Variants in MAP4K5 observed in about 807,000 individuals in gnomAD.
The protein encoded by MAP4K5 is MAPK/ERK kinase kinase kinase 5.
In MAP4K5, 82 loss-of-function variants were observed where a neutral mutation model predicts 135.6. That is an observed-to-expected ratio of 0.60 (90% CI 0.51 to 0.73). MAP4K5 has a LOEUF of 0.73. Among genes scored for constraint, MAP4K5 ranks in the 30% least tolerant of loss-of-function variants. The pLI is 0.00. For synonymous variants in MAP4K5, 347 were observed against 335.0 expected, an observed-to-expected ratio of 1.04 and a Z score of -0.39; for missense variants, 907 against 1,010.9, an observed-to-expected ratio of 0.90 and a Z score of 1.39.
intron 3 of MAP4K5, among the ~76,000 whole-genome samples, chr14:50,500,040 A>G (rs1396224933): frequency 6.6e-6 from 1 of 152,226 alleles, no homozygotes; most frequent in African/African-American, 2.4e-5. Flanking sequence ...TGATGCAATC[A>G]TTTTATACCT....
chr14:50,527,411 C>CAA (rs368632426), intron 2 of MAP4K5, among the ~76,000 whole-genome samples: 3 of 123,606 alleles, frequency 2.4e-5, no homozygotes, highest in Non-Finnish European at 5.4e-5. Context: ...CCCTGTCATC[C>CAA]AAAAAAAAAA....
At chr14:50,549,314 C>T (rs1039945301) in intron 1 of MAP4K5, among the ~76,000 whole-genome samples, 1 of 152,122 alleles carries the variant, frequency 6.6e-6, no homozygotes, top group Non-Finnish European at 1.5e-5. Context: ...CAGGGTGGGC[C>T]ACAGCAAAGG....
At chr14:50,435,159 A>G in intron 26 of MAP4K5, 94 bp from the exon 27 acceptor site, 1 of 550,914 alleles carries the variant, frequency 1.8e-6, no homozygotes, top group Non-Finnish European at 3.1e-6. Flanking sequence ...GAGTGGGCAG[A>G]AAATAAAAAA....
intron 2 of MAP4K5, among the ~76,000 whole-genome samples, chr14:50,525,775 C>T (rs534346117): frequency 3.5e-4 from 53 of 152,192 alleles, no homozygotes; most frequent in African/African-American, 1.2e-3. Context: ...GCCTGGGAGG[C>T]GGAGGGTCTA....
At chr14:50,507,283 T>C (rs1485003425) in intron 2 of MAP4K5, among the ~76,000 whole-genome samples, 2 of 152,246 alleles carry the variant, frequency 1.3e-5, no homozygotes, top group Admixed American at 6.5e-5. Flanking sequence ...CCAATTTTGC[T>C]GATCTTTTCA....
rs948365999 is a variant in MAP4K5, at chr14:50,468,847, G to A, written c.543-65C>T. 49 of 1,452,924 alleles carry A rather than the reference G, an allele frequency of 3.4e-5. 1 individual carries two copies. In the East Asian group the frequency reaches 1.1e-3, roughly 34 times the overall value. The allele number at this position is 1,452,924 out of a possible 1,614,324, so 90.0% of individuals were successfully genotyped here. A position where few individuals can be genotyped will look rare whatever the true frequency, so the allele number is the denominator to read the frequency against. ...TATTGATCTGAATCTGTTACTTCCT[G>A]TTATAATCACCAGACTTGTTGGAGG... is the stretch of plus-strand genomic sequence containing the variant. On this transcript the variant is annotated intron_variant, in intron 9 of 32. Transcript: ENST00000682126.
chr14:50,558,009 G>A (rs1021813333), intron 1 of MAP4K5, among the ~76,000 whole-genome samples: 5 of 152,188 alleles, frequency 3.3e-5, no homozygotes, highest in African/African-American at 4.8e-5. Flanking sequence ...GCATTAAAAA[G>A]AATGGTGATG....
chr14:50,441,797 C>CACAT (rs1491145074), intron 21 of MAP4K5, among the ~76,000 whole-genome samples: 132 of 132,502 alleles, frequency 1.0e-3, no homozygotes, highest in African/African-American at 3.9e-3. Flanking sequence ...CACACACACA[C>CACAT]ATATATATAC....
chr14:50,528,723 CAG>C (rs1298623693), intron 2 of MAP4K5, among the ~76,000 whole-genome samples: 2 of 152,096 alleles, frequency 1.3e-5, no homozygotes, highest in East Asian at 1.9e-4. Flanking sequence ...CTCAAAAACA[CAG>C]GGGGATATTA....
At chr14:50,497,414 T>C (rs1391154055) in intron 3 of MAP4K5, among the ~76,000 whole-genome samples, 1 of 152,226 alleles carries the variant, frequency 6.6e-6, no homozygotes, top group Non-Finnish European at 1.5e-5. Flanking sequence ...AGGATACAAA[T>C]ATTTTACTTT....
intron 21 of MAP4K5, among the ~76,000 whole-genome samples, chr14:50,441,775 CACACACACACACACACACACACAT>C (rs1187765804): frequency 4.1e-4 from 60 of 144,814 alleles, no homozygotes; most frequent in African/African-American, 1.5e-3. Flanking sequence ...CACACACACA[CACACACACACACACACACACACAT>C]ATATATACCC....
In MAP4K5 at chr14:50,445,278, C is replaced by T. The variant is rs1194583916; in HGVS notation, c.1186-84G>A. 2.3e-6 allele frequency: 3 copies of T among 1,296,074 alleles called. No individual in the cohort carries two copies. In the African/African-American group the frequency reaches 4.4e-5, roughly 19 times the overall value. The allele number at this position is 1,296,074 out of a possible 1,614,324, so 80.3% of individuals were successfully genotyped here. A position where few individuals can be genotyped will look rare whatever the true frequency, so the allele number is the denominator to read the frequency against. On this transcript the variant is annotated intron_variant, in intron 17 of 32. Coordinates refer to ENST00000682126, the MANE Select transcript of MAP4K5 (RefSeq NM_006575.6). ...AGGGAAAGGGAAATGCACCTTTTTT[C>T]ATTCTTCTATACAGTTCAATTCACT...
intron 30 of MAP4K5, among the ~76,000 whole-genome samples, chr14:50,427,575 T>C: frequency 6.6e-6 from 1 of 152,326 alleles, no homozygotes; most frequent in South Asian, 2.1e-4. Flanking sequence ...AAGTACATGT[T>C]ATTTTTTATG....
In MAP4K5 at chr14:50,509,689, G is replaced by C. The variant is rs193123333; in HGVS notation, c.109-4832C>G. Among the ~76,000 whole-genome samples, 1,295 of 149,528 alleles carry C rather than the reference G, an allele frequency of 8.7e-3. 57 individuals carry two copies. The highest frequency in any genetic ancestry group is 0.081 in the Admixed American group (1,217 of 15,030). On this transcript the variant is annotated intron_variant, in intron 2 of 32. Coordinates refer to ENST00000682126, the MANE Select transcript of MAP4K5 (RefSeq NM_006575.6). ...AACTGGAATTAAAAAAAAAAAAACA[G>C]ATTCAATGAACTCTTATTTTAACTC...
At chr14:50,524,887 CA>C (rs1419976667) in intron 2 of MAP4K5, among the ~76,000 whole-genome samples, 2 of 152,210 alleles carry the variant, frequency 1.3e-5, no homozygotes, top group Admixed American at 1.3e-4. Flanking sequence ...TCATCTTCCT[CA>C]TTGCAGTTAG....
chr14:50,467,427 A>T (rs137931954), intron 10 of MAP4K5, among the ~76,000 whole-genome samples: 1 of 152,148 alleles, frequency 6.6e-6, no homozygotes, highest in Admixed American at 6.5e-5. Context: ...ACATTTTTCT[A>T]ATCTTTTTAG....
At chr14:50,513,947 A>C (rs1371471587) in intron 2 of MAP4K5, among the ~76,000 whole-genome samples, 1 of 152,258 alleles carries the variant, frequency 6.6e-6, no homozygotes, top group Non-Finnish European at 1.5e-5. Context: ...GCAACGCAGC[A>C]CCCATAAGGT....
intron 6 of MAP4K5, 93 bp downstream of exon 6, chr14:50,482,268 T>G (rs913864274): frequency 3.1e-6 from 2 of 652,540 alleles, no homozygotes; most frequent in Non-Finnish European, 5.0e-6. Context: ...TATCATTTTA[T>G]AGTTATCAAT....
At chr14:50,460,350 A>G (rs543105994) in intron 13 of MAP4K5, among the ~76,000 whole-genome samples, 1 of 152,276 alleles carries the variant, frequency 6.6e-6, no homozygotes, top group Admixed American at 6.5e-5. Flanking sequence ...GTGGTTTTGC[A>G]TTTCGAGAAC....
Sources: gnomAD v4.1 joint callset for allele counts (sites outside exome capture counted in the v4.1 genomes callset) on GRCh38, gnomAD v4.1.1 for gene constraint, MANE v1.5 for transcripts, NCBI Gene and HGNC (gene_info 2026-07-23, HGNC 2026-07-21) for gene names.